The following SANBR variants were observed in gnomAD, a reference collection of about 807,000 sequenced individuals.
SANBR encodes SANT and BTB domain regulator of CSR.
Under a neutral mutation model 101.8 loss-of-function variants are expected in SANBR, and 77 were observed. The ratio of observed to expected loss-of-function variants is 0.76; its 90% confidence interval spans 0.63 to 0.91. The LOEUF (loss-of-function observed/expected upper bound fraction) is 0.91, where lower values mean the gene tolerates loss of function less well. Ranked by LOEUF, SANBR falls within the 40% of genes least tolerant of loss-of-function variation. SANBR has a pLI of 0.00. For synonymous variants in SANBR, 279 were observed against 274.7 expected (o/e 1.02, Z -0.15); for missense variants, 875 against 853.0 (o/e 1.03, Z -0.32).
intron 10 of SANBR, chr2:61,090,762 T>TGTGTGTGTGTG (rs1682710132): frequency 7.9e-6 from 1 of 126,888 alleles, no homozygotes; most frequent in African/African-American, 3.1e-5. Flanking sequence ...AGGCACAGGG[T>TGTGTGTGTGTG]TTCACTGTGT....
At chr2:61,076,262 G>A (rs1260390495) in intron 5 of SANBR, among the ~76,000 whole-genome samples, 1 of 150,510 alleles carries the variant, frequency 6.6e-6, no homozygotes, top group African/African-American at 2.4e-5. Context: ...CAAAGTGCTG[G>A]GATTACAGGT....
In SANBR at chr2:61,069,436, A is replaced by G. The variant is rs1573578678; in HGVS notation, c.-10+451A>G. On this transcript the variant is annotated intron_variant, in intron 2 of 21. Transcript: ENST00000402291. ...GAGCCAAAACTCAAATCAGAGATTC[A>G]GACTCCTGTGTACGCTGCCTTTTCC... Among the ~76,000 whole-genome samples the G allele has an allele frequency of 2.0e-5, 3 of 152,314 alleles. No homozygotes were observed. In the South Asian group the frequency reaches 6.2e-4, roughly 32 times the overall value.
intron 7 of SANBR, among the ~76,000 whole-genome samples, chr2:61,082,160 C>T (rs1237070234): frequency 2.0e-5 from 3 of 152,114 alleles, no homozygotes; most frequent in African/African-American, 7.2e-5. Flanking sequence ...GTGTGAGCCA[C>T]CTATATTCCT....
At chr2:61,128,396 T>TATA, downstream of SANBR, among the ~76,000 whole-genome samples, 1 of 152,116 alleles carries the variant, frequency 6.6e-6, no homozygotes, top group Non-Finnish European at 1.5e-5. Flanking sequence ...GGCTCATGCC[T>TATA]ATAATCCAGG....
chr2:61,100,540 C>T (rs1573633989), intron 12 of SANBR, among the ~76,000 whole-genome samples: 2 of 152,160 alleles, frequency 1.3e-5, no homozygotes, highest in African/African-American at 4.8e-5. Flanking sequence ...TTAATTTCGA[C>T]AAGAGGGAGG....
At chr2:61,103,349 G>A (rs1683388023) in intron 12 of SANBR, among the ~76,000 whole-genome samples, 1 of 151,974 alleles carries the variant, frequency 6.6e-6, no homozygotes, top group Non-Finnish European at 1.5e-5. Flanking sequence ...ATGTTGTCCA[G>A]GCTGATCTCA....
At position 61,098,127 on chromosome 2, in the gene SANBR, G is replaced by A. The variant is rs112299438; in HGVS notation, c.1365+275G>A. Among the ~76,000 whole-genome samples the A allele has an allele frequency of 6.3e-3, 922 of 146,448 alleles. 13 individuals are homozygous for A. The highest frequency in any genetic ancestry group is 0.021 in the African/African-American group (848 of 40,100). On this transcript the variant is annotated intron_variant, in intron 12 of 21. Coordinates refer to ENST00000402291, the MANE Select transcript of SANBR (RefSeq NM_001129993.3). ...TTTTTTTGTTTTTTTTTTTTGAGAT[G>A]GGGTCTCGCTCTGTTGCCCAGGGTG...
intron 16 of SANBR, among the ~76,000 whole-genome samples, chr2:61,110,401 C>T (rs1225445066): frequency 1.3e-5 from 2 of 149,740 alleles, no homozygotes; most frequent in Non-Finnish European, 3.0e-5. Context: ...AAAATTAGGC[C>T]GGGCACGATG....
At chr2:61,101,534 C>A (rs1372735190) in intron 12 of SANBR, among the ~76,000 whole-genome samples, 1 of 149,816 alleles carries the variant, frequency 6.7e-6, no homozygotes, top group Non-Finnish European at 1.5e-5. Context: ...GAGATCAAGA[C>A]CATCCTGGCT....
intron 10 of SANBR, among the ~76,000 whole-genome samples, chr2:61,089,983 A>G (rs1450797457): frequency 6.6e-6 from 1 of 152,116 alleles, no homozygotes; most frequent in African/African-American, 2.4e-5. Flanking sequence ...CCTGGGCAAC[A>G]TAGCCAGACC....
At chr2:61,107,393 AAAAC>A (rs1683624278) in intron 14 of SANBR, among the ~76,000 whole-genome samples, 1 of 152,158 alleles carries the variant, frequency 6.6e-6, no homozygotes, top group Non-Finnish European at 1.5e-5. Flanking sequence ...CCTGTCTCAA[AAAAC>A]AAACACACAA....
At chr2:61,076,461 CAAAAA>C (rs11308796) in intron 5 of SANBR, among the ~76,000 whole-genome samples, 1 of 121,554 alleles carries the variant, frequency 8.2e-6, no homozygotes, top group African/African-American at 3.0e-5. Flanking sequence ...ACTAAAAATA[CAAAAA>C]AAAAAAAAAA....
Position 61,088,143 on chromosome 2 carries a change from C to T in SANBR, c.891-16C>T, listed in dbSNP as rs766097365. 1 of 1,475,906 alleles carries T rather than the reference C, an allele frequency of 6.8e-7. No homozygotes were observed. Among genetic ancestry groups the T allele is most frequent in the Non-Finnish European group, 9.3e-7 (1 of 1,069,708 alleles). 91.4% of individuals were successfully genotyped at this position (1,475,906 alleles called of 1,614,324 possible). On this transcript the variant is annotated splice_polypyrimidine_tract_variant and intron_variant, in intron 8 of 21. Coordinates refer to ENST00000402291, the MANE Select transcript of SANBR (RefSeq NM_001129993.3). ...TAGTGTAGAAAATTAATATTTTGGT[C>T]ATTTGTTGTTAATAGCAAACTTTTT...
intron 16 of SANBR, among the ~76,000 whole-genome samples, chr2:61,112,949 G>T (rs1052431347): frequency 6.6e-6 from 1 of 152,176 alleles, no homozygotes; most frequent in African/African-American, 2.4e-5. Context: ...TCTTCTAGAA[G>T]TTGTATGATT....
rs185230060 is a variant in SANBR, at chr2:61,103,866, G to A, written c.1379G>A (p.Arg460Lys). Residue 460 changes from arginine (R) to lysine (K), a missense_variant, in exon 13 of 22, where the codon AGG (arginine) becomes AAG (lysine). Transcript: ENST00000402291. ...CTTATGTGACAGGGCTGTAAAGTGA[G>A]GGACCACATGGTTACACTTCGTGAT... ...PTQLTKGCKV[R>K]DHMVTLRDQG... is the part of the protein sequence containing the mutation. 1.1e-5 allele frequency: 17 copies of A among 1,614,148 alleles called. No homozygotes were observed. In the Admixed American group the frequency reaches 2.3e-4, roughly 22 times the overall value.
At chr2:61,136,501 C>A (rs781095172) in intron 21 of SANBR, among the ~76,000 whole-genome samples, 1 of 144,808 alleles carries the variant, frequency 6.9e-6, no homozygotes, top group Non-Finnish European at 1.5e-5. Flanking sequence ...TGGTGGCATG[C>A]GCCTGTAATC....
At chr2:61,103,124 A>G (rs560826220) in intron 12 of SANBR, among the ~76,000 whole-genome samples, 3 of 151,098 alleles carry the variant, frequency 2.0e-5, no homozygotes, top group East Asian at 3.9e-4. Flanking sequence ...TCATAAAAAC[A>G]TAATTTTTCT....
At chr2:61,066,324 CG>C (rs1295114078) in intron 1 of SANBR, 1 of 153,054 alleles carries the variant, frequency 6.5e-6, no homozygotes, top group Non-Finnish European at 1.5e-5. Flanking sequence ...GCCTCTGCCC[CG>C]CCTCGCTCCC....
chr2:61,115,908 G>C (rs1354630853), intron 16 of SANBR, 71 bp from the exon 17 acceptor site: 14 of 888,144 alleles, frequency 1.6e-5, no homozygotes, highest in Non-Finnish European at 1.8e-6. Context: ...TGGTCTTATT[G>C]TTTAGAAGTA....
Sources: allele counts gnomAD v4.1 joint callset (sites outside exome capture counted in the v4.1 genomes callset), GRCh38; gene constraint gnomAD v4.1.1; transcripts MANE v1.5; gene names NCBI Gene and HGNC (gene_info 2026-07-23, HGNC 2026-07-21).